VPS41: variants seen among roughly 807,000 people sequenced by gnomAD.
VPS41 encodes vacuolar protein sorting-associated protein 41 homolog.
VPS41 carries 85 observed loss-of-function variants against 130.9 expected under a neutral mutation model. The observed-to-expected ratio is 0.65, with a 90% confidence interval of 0.55 to 0.78. The LOEUF is 0.78. Among genes scored for constraint, VPS41 ranks in the 30% least tolerant of loss-of-function variants. The probability of loss-of-function intolerance (pLI) is 0.00; values close to 1 mark genes in which losing one functional copy is unlikely to be tolerated. For missense variants in VPS41, 874 were observed against 1,018.7 expected, an observed-to-expected ratio of 0.86 and a Z score of 1.93; for synonymous variants, 335 against 332.9, an observed-to-expected ratio of 1.01 and a Z score of -0.07.
intron 7 of VPS41, 87 bp from the exon 8 acceptor site, chr7:38,796,951 G>C (rs1443874516): frequency 3.3e-6 from 5 of 1,501,322 alleles, no homozygotes; most frequent in Non-Finnish European, 3.7e-6. Context: ...CTATCCTCGT[G>C]ACCAAATAAC....
chr7:38,809,368 T>C (rs1266973946), intron 7 of VPS41, among the ~76,000 whole-genome samples: 1 of 147,030 alleles, frequency 6.8e-6, no homozygotes, highest in African/African-American at 2.5e-5. Flanking sequence ...ATATATATAA[T>C]ATAAAATTTT....
chr7:38,892,045 T>C (rs1786878110), intron 2 of VPS41, among the ~76,000 whole-genome samples: 1 of 152,022 alleles, frequency 6.6e-6, no homozygotes, highest in South Asian at 2.1e-4. Context: ...CTATTCTCTA[T>C]TCTCTGGAAT....
intron 25 of VPS41, among the ~76,000 whole-genome samples, chr7:38,734,005 G>C (rs1302527026): frequency 6.6e-6 from 1 of 152,124 alleles, no homozygotes; most frequent in Non-Finnish European, 1.5e-5. Context: ...AGGATCACTT[G>C]AGCCCGGGAG....
At chr7:38,892,943 T>C (rs1221900510) in intron 2 of VPS41, among the ~76,000 whole-genome samples, 1 of 152,176 alleles carries the variant, frequency 6.6e-6, no homozygotes, top group Non-Finnish European at 1.5e-5. Context: ...TTCCTCTTTG[T>C]CTTCCGCTAC....
At chr7:38,786,812 A>T (rs752897154) in intron 10 of VPS41, among the ~76,000 whole-genome samples, 11 of 152,114 alleles carry the variant, frequency 7.2e-5, no homozygotes, top group Non-Finnish European at 1.3e-4. Flanking sequence ...ATGAAACCAC[A>T]TCACTCCTGG....
chr7:38,739,538 G>A (rs904865444), intron 25 of VPS41, among the ~76,000 whole-genome samples: 1 of 152,192 alleles, frequency 6.6e-6, no homozygotes, highest in Admixed American at 6.6e-5. Context: ...AATACATTAT[G>A]TAAAAAGAGC....
chr7:38,809,758 G>T (rs1350625983), intron 7 of VPS41, among the ~76,000 whole-genome samples: 1 of 152,092 alleles, frequency 6.6e-6, no homozygotes, highest in East Asian at 1.9e-4. Flanking sequence ...CCAAACAGCT[G>T]ACTATCTGAT....
At chr7:38,739,532 C>G (rs1208787061) in intron 25 of VPS41, among the ~76,000 whole-genome samples, 1 of 152,198 alleles carries the variant, frequency 6.6e-6, no homozygotes, top group Non-Finnish European at 1.5e-5. Flanking sequence ...GTCATTAATA[C>G]ATTATGTAAA....
At position 38,726,294 on chromosome 7, in the gene VPS41, A is replaced by T; in HGVS notation, c.2517T>A (p.Ser839Arg). 2 of 1,614,002 alleles carry T rather than the reference A, an allele frequency of 1.2e-6. No individual in the cohort carries two copies. Among genetic ancestry groups the T allele is most frequent in the Non-Finnish European group, 1.7e-6 (2 of 1,179,888 alleles). The change falls in exon 29 of 29, where the codon AGT (serine) becomes AGA (arginine). Residue 839 changes from serine (S) to arginine (R), a missense_variant. Transcript: ENST00000310301. ...NSAAQFCNIC[S>R]AKNRGPGSAI... The stretch of plus-strand genomic sequence containing the variant: ...CACTTCCTGGTCCACGGTTCTTAGC[A>T]CTGCAGATGTTGCAGAACTGTGCAG...
intron 22 of VPS41, among the ~76,000 whole-genome samples, chr7:38,748,341 T>C (rs1341266003): frequency 1.3e-5 from 2 of 152,218 alleles, no homozygotes; most frequent in African/African-American, 2.4e-5. Context: ...TCTGATTTAG[T>C]ATGAAGGTAA....
intron 25 of VPS41, among the ~76,000 whole-genome samples, chr7:38,735,485 A>T (rs79674297): frequency 0.074 from 11,064 of 148,646 alleles, 472 homozygotes; most frequent in African/African-American, 0.12. Context: ...ATGTGTGTGT[A>T]CATGTGTGTG....
rs2116209792 is a variant in VPS41 at position 38,838,101 on chromosome 7, A to G, written c.247-7773T>C. Among the ~76,000 whole-genome samples, 2 of 152,322 alleles carry G rather than the reference A, an allele frequency of 1.3e-5. 1 individual carries two copies. Among genetic ancestry groups the G allele is most frequent in the South Asian group, 4.1e-4 (2 of 4,830 alleles). ...AGAACAAATAAACAAGAGGATTTCA[A>G]TATTACAACTGTCAATGTTGCATGC... On this transcript the variant is annotated intron_variant, in intron 4 of 28. Transcript: ENST00000310301.
At chr7:38,794,303 A>G (rs764258452) in intron 9 of VPS41, among the ~76,000 whole-genome samples, 2 of 152,192 alleles carry the variant, frequency 1.3e-5, no homozygotes, top group Admixed American at 6.5e-5. Context: ...CCTAAATATA[A>G]ATCAGGTTGT....
intron 4 of VPS41, among the ~76,000 whole-genome samples, chr7:38,856,827 T>C (rs1371911086): frequency 6.6e-6 from 1 of 152,124 alleles, no homozygotes; most frequent in Non-Finnish European, 1.5e-5. Flanking sequence ...AAGTGTATTC[T>C]AGAGAGAAAA....
chr7:38,817,785 T>C, intron 7 of VPS41, 32 bp downstream of exon 7: 1 of 1,579,428 alleles, frequency 6.3e-7, no homozygotes, highest in Non-Finnish European at 8.7e-7. Context: ...CCCTCAAGGC[T>C]ACATATCAAG....
chr7:38,894,691 CAGGAGGT>C (rs1371438614), intron 2 of VPS41, among the ~76,000 whole-genome samples: 1 of 152,104 alleles, frequency 6.6e-6, no homozygotes, highest in Admixed American at 6.5e-5. Flanking sequence ...CTGAAGAATA[CAGGAGGT>C]AAGTGCTATG....
At chr7:38,843,564 C>A (rs974454170) in intron 4 of VPS41, among the ~76,000 whole-genome samples, 1 of 152,058 alleles carries the variant, frequency 6.6e-6, no homozygotes, top group African/African-American at 2.4e-5. Flanking sequence ...CGCCTGTAAT[C>A]CCGGCTACTC....
intron 4 of VPS41, among the ~76,000 whole-genome samples, chr7:38,838,892 T>C (rs1200918958): frequency 1.3e-5 from 2 of 152,162 alleles, no homozygotes; most frequent in Admixed American, 6.6e-5. Context: ...CAACTTCTTT[T>C]CCCCTGATAC....
intron 9 of VPS41, among the ~76,000 whole-genome samples, chr7:38,790,345 T>G (rs920446911): frequency 3.3e-5 from 5 of 152,146 alleles, no homozygotes; most frequent in African/African-American, 1.2e-4. Flanking sequence ...ACCTAACAAT[T>G]TAATACAAGT....
Sources: gnomAD v4.1 joint callset for allele counts (sites outside exome capture counted in the v4.1 genomes callset) on GRCh38, gnomAD v4.1.1 for gene constraint, MANE v1.5 for transcripts, NCBI Gene and HGNC (gene_info 2026-07-23, HGNC 2026-07-21) for gene names.